The following KIDINS220 variants were observed in gnomAD, a reference collection of about 807,000 sequenced individuals.
KIDINS220 encodes the protein kinase D-interacting substrate of 220 kDa.
Under a neutral mutation model 157.6 loss-of-function variants are expected in KIDINS220, and 63 were observed. The observed-to-expected ratio is 0.40, with a 90% confidence interval of 0.33 to 0.49. The LOEUF is 0.49. Ranked by LOEUF, KIDINS220 falls within the 20% of genes least tolerant of loss-of-function variation. The probability of loss-of-function intolerance (pLI) is 0.66; values close to 1 mark genes in which losing one functional copy is unlikely to be tolerated. For missense variants in KIDINS220, 1,772 were observed against 2,171.2 expected (o/e 0.82, Z 3.65); for synonymous variants, 732 against 783.6 (o/e 0.93, Z 1.10).
At chr2:8,747,289 A>G in intron 25 of KIDINS220, 88 bp from the exon 26 acceptor site, 1 of 1,103,050 alleles carries the variant, frequency 9.1e-7, no homozygotes, top group African/African-American at 1.5e-5. Flanking sequence ...GTAAAATAAT[A>G]TACAACACTG....
chr2:8,727,004 A>G (rs998010813), downstream of KIDINS220: 17 of 1,155,458 alleles, frequency 1.5e-5, no homozygotes, highest in Non-Finnish European at 2.0e-5. Flanking sequence ...ATCAGTCTCA[A>G]CCAGGGATTC....
At chr2:8,735,798 G>A (rs1454724861) in intron 27 of KIDINS220, among the ~76,000 whole-genome samples, 4 of 152,188 alleles carry the variant, frequency 2.6e-5, no homozygotes, top group East Asian at 1.9e-4. Flanking sequence ...CAACAATGCC[G>A]CGGAGCCCTA....
intron 21 of KIDINS220, among the ~76,000 whole-genome samples, chr2:8,775,799 G>T (rs1007145728): frequency 2.6e-5 from 4 of 152,104 alleles, no homozygotes; most frequent in Admixed American, 6.5e-5. Context: ...GTTGATGGGA[G>T]TAATTTTCGA....
chr2:8,832,939 G>C (rs1329294749), intron 1 of KIDINS220, among the ~76,000 whole-genome samples: 1 of 151,668 alleles, frequency 6.6e-6, no homozygotes, highest in African/African-American at 2.4e-5. Context: ...ATGTTTATGG[G>C]GTATGTGTAA....
At chr2:8,821,139 A>AATAATATAAATGTTATAAATATATAAC (rs1190761491) in intron 2 of KIDINS220, among the ~76,000 whole-genome samples, 7 of 151,508 alleles carry the variant, frequency 4.6e-5, no homozygotes, top group Non-Finnish European at 7.4e-5. Context: ...TAAATGTTTT[A>AATAATATAAATGTTATAAATATATAAC]ATAATATAAA....
intron 1 of KIDINS220, 21 bp from the exon 2 acceptor site, chr2:8,827,150 C>T (rs1678925334): frequency 2.3e-6 from 2 of 877,676 alleles, no homozygotes; most frequent in Non-Finnish European, 1.8e-6. Flanking sequence ...AGACAAAATA[C>T]ACATAATTTA....
At position 8,760,856 on chromosome 2, in the gene KIDINS220, A is replaced by T. The variant is rs538482196; in HGVS notation, c.3012-9212T>A. Among the ~76,000 whole-genome samples the T allele has an allele frequency of 4.9e-4, 74 of 152,264 alleles. 2 individuals are homozygous for T. In the South Asian group the frequency reaches 0.015, roughly 31 times the overall value. ...TCCACTGGGAGTACAAGTCTAAAAA[A>T]TAGTGTATTACTGCATGATATTTAC... On this transcript the variant is annotated intron_variant, in intron 22 of 29. Transcript: ENST00000256707.
chr2:8,813,188 A>T (rs1558475133), intron 5 of KIDINS220, 49 bp downstream of exon 5: 2 of 1,296,590 alleles, frequency 1.5e-6, no homozygotes, highest in Non-Finnish European at 2.2e-6. Flanking sequence ...GTATTCCCTA[A>T]GAAAACTTAC....
rs1234998756 is a variant in KIDINS220, at chr2:8,770,744, A to G, written c.2937T>C (p.Thr979=). The G allele has an allele frequency of 1.2e-6, 2 of 1,611,866 alleles. No individual in the cohort carries two copies. Among genetic ancestry groups the G allele is most frequent in the South Asian group, 1.1e-5 (1 of 90,972 alleles). The change falls in exon 22 of 30, where the codon ACT becomes ACC. Residue 979 remains threonine, a synonymous_variant. Coordinates refer to ENST00000256707, the MANE Select transcript of KIDINS220 (RefSeq NM_020738.4). ...CTTCCAAATATAATATGAGCCATGA[A>G]GTCCGGTATGGCCACTGCTCAGTAA... The part of the protein sequence containing the change: ...INLTEQWPYR[T]SWLILYLEET...
intron 22 of KIDINS220, among the ~76,000 whole-genome samples, chr2:8,753,012 G>T (rs1369539485): frequency 6.6e-6 from 1 of 152,146 alleles, no homozygotes; most frequent in Non-Finnish European, 1.5e-5. Flanking sequence ...GTATGAAACT[G>T]TAGTTTTTGT....
At chr2:8,726,688 A>T (rs893875881), downstream of KIDINS220, among the ~76,000 whole-genome samples, 1 of 152,284 alleles carries the variant, frequency 6.6e-6, no homozygotes, top group African/African-American at 2.4e-5. Context: ...TCCTAGCTAC[A>T]CATCTGTACA....
At chr2:8,770,905 T>G (rs1260277761) in intron 21 of KIDINS220, 73 bp from the exon 22 acceptor site, 2 of 826,496 alleles carry the variant, frequency 2.4e-6, no homozygotes, top group Non-Finnish European at 3.4e-6. Context: ...ATTTAGTATA[T>G]TCACAAATAT....
chr2:8,747,376 C>CA (rs1180521405), intron 25 of KIDINS220, 175 bp from the exon 26 acceptor site: 15 of 587,156 alleles, frequency 2.6e-5, no homozygotes, highest in Non-Finnish European at 3.9e-5. Flanking sequence ...TAAACTATTA[C>CA]TTTTATCATC....
intron 11 of KIDINS220, 57 bp from the exon 12 acceptor site, chr2:8,794,044 C>T: frequency 7.8e-7 from 1 of 1,281,580 alleles, no homozygotes; most frequent in Non-Finnish European, 1.1e-6. Flanking sequence ...AGTATGCAGA[C>T]AGTAACAATT....
Position 8,778,929 on chromosome 2 carries a change from T to C in KIDINS220, c.2581A>G (p.Thr861Ala). 1.9e-6 allele frequency: 3 copies of C among 1,614,244 alleles called. No individual in the cohort carries two copies. The highest frequency in any genetic ancestry group is 2.5e-6 in the Non-Finnish European group (3 of 1,180,034). ...TCTGAGCATGGAACGTCTCCATTTG[T>C]TGCTGAAGTTACGAGAAATTTTCTT... ...NARKFLVTSA[T>A]NGDVPCSDTT... The change falls in exon 19 of 30, where the codon ACA becomes GCA. Residue 861 changes from threonine to alanine, a missense_variant. Around this residue, in one of 3 missense-constraint regions of KIDINS220, gnomAD observed 725 missense variants for 1,017.1 expected, o/e 0.71. Coordinates refer to ENST00000256707, the MANE Select transcript of KIDINS220 (RefSeq NM_020738.4).
chr2:8,765,526 A>T (rs115222640), intron 22 of KIDINS220, among the ~76,000 whole-genome samples: 1,994 of 152,332 alleles, frequency 0.013, 23 homozygotes, highest in Middle Eastern at 0.041. Context: ...CCTAAGAAAC[A>T]AGAAAGTATT....
chr2:8,823,882 G>T (rs947072535), intron 2 of KIDINS220, among the ~76,000 whole-genome samples: 1 of 151,746 alleles, frequency 6.6e-6, no homozygotes, highest in African/African-American at 2.4e-5. Flanking sequence ...ATTGAAGGGG[G>T]TAATGATGTT....
intron 28 of KIDINS220, among the ~76,000 whole-genome samples, chr2:8,734,199 G>T (rs7563908): frequency 1.3e-5 from 2 of 151,850 alleles, no homozygotes; most frequent in South Asian, 2.1e-4. Context: ...TGGCCAGGGT[G>T]AGCCGACATC....
chr2:8,742,645 T>TAAC (rs1665782651), intron 26 of KIDINS220, among the ~76,000 whole-genome samples: 1 of 152,198 alleles, frequency 6.6e-6, no homozygotes, highest in Non-Finnish European at 1.5e-5. Flanking sequence ...TGTCCAAAGG[T>TAAC]AACGAGTAAA....
Sources: allele counts gnomAD v4.1 joint callset (sites outside exome capture counted in the v4.1 genomes callset), GRCh38; gene constraint gnomAD v4.1.1; regional missense constraint gnomAD v4.1.1; transcripts MANE v1.5; gene names NCBI Gene and HGNC (gene_info 2026-07-23, HGNC 2026-07-21).